Variants in DHCR7 observed in about 807,000 individuals in gnomAD.
DHCR7 encodes 7-DHC reductase.
DHCR7 carries 40 observed loss-of-function variants against 43.3 expected under a neutral mutation model. The ratio of observed to expected loss-of-function variants is 0.92; its 90% CI spans 0.72 to 1.20. The LOEUF (loss-of-function observed/expected upper bound fraction) is 1.20, where lower values mean the gene tolerates loss of function less well. Among genes scored for constraint, DHCR7 ranks in the 50% most tolerant of loss-of-function variants. The probability of loss-of-function intolerance (pLI) is 0.00; values close to 1 mark genes in which losing one functional copy is unlikely to be tolerated. For synonymous variants in DHCR7, 298 were observed against 271.4 expected, an observed-to-expected ratio of 1.10 and a Z score of -0.96; for missense variants, 608 against 644.6, an observed-to-expected ratio of 0.94 and a Z score of 0.62.
intron 4 of DHCR7, among the ~76,000 whole-genome samples, chr11:71,443,290 GAGA>G (rs1473667185): frequency 1.1e-4 from 17 of 152,218 alleles, no homozygotes; most frequent in African/African-American, 4.1e-4. Flanking sequence ...GATCTGAACT[GAGA>G]AGTATTCTGG....
chr11:71,441,808 C>T (rs1949351079), intron 5 of DHCR7, among the ~76,000 whole-genome samples: 1 of 152,164 alleles, frequency 6.6e-6, no homozygotes, highest in Admixed American at 6.5e-5. Context: ...CTCAGCCCAT[C>T]CACCCCTCAA....
At chr11:71,442,411 C>A (rs930971297) in intron 4 of DHCR7, 58 bp from the exon 5 acceptor site, 2 of 1,229,584 alleles carry the variant, frequency 1.6e-6, no homozygotes, top group Non-Finnish European at 2.4e-6. Context: ...CAAAGGGGGA[C>A]GCATAGCAGG....
chr11:71,441,438 C>G lies in DHCR7; in HGVS notation c.415G>C (p.Val139Leu). The G allele has an allele frequency of 6.2e-7, 1 of 1,611,214 alleles. No homozygotes were observed. Among genetic ancestry groups the G allele is most frequent in the Non-Finnish European group, 8.5e-7 (1 of 1,178,262 alleles). The change falls in exon 6 of 9, where the codon GTT (valine) becomes CTT (leucine). Residue 139 changes from valine (V) to leucine (L), a missense_variant and splice_region_variant. Transcript: ENST00000355527. The stretch of plus-strand genomic sequence containing the variant: ...CCATTGATCTGATACTTGTTCACAA[C>G]CCCTGCAGATGAAGGATTCAGAAAT... Reference protein sequence around the residue: ...IQEGAVTPAGVVNKYQINGLQ... With the variant: ...IQEGAVTPAGLVNKYQINGLQ...
At chr11:71,432,443 G>T (rs940658754), downstream of DHCR7, among the ~76,000 whole-genome samples, 3 of 152,116 alleles carry the variant, frequency 2.0e-5, no homozygotes, top group African/African-American at 4.8e-5. Flanking sequence ...GACAATAATT[G>T]TTTATATTTA....
intron 8 of DHCR7, 124 bp downstream of exon 8, chr11:71,437,688 C>T: frequency 7.0e-7 from 1 of 1,422,784 alleles, no homozygotes; most frequent in Non-Finnish European, 9.6e-7. Flanking sequence ...TACACGAGGC[C>T]TTCCCTTCTT....
intron 2 of DHCR7, among the ~76,000 whole-genome samples, 197 bp from the exon 3 acceptor site, chr11:71,445,155 C>A (rs1949393031): frequency 6.6e-6 from 1 of 152,232 alleles, no homozygotes; most frequent in Admixed American, 6.5e-5. Context: ...ACCCTGCAAT[C>A]ACCTCCCACG....
At chr11:71,434,096 C>A (rs181418664), downstream of DHCR7, among the ~76,000 whole-genome samples, 1 of 152,354 alleles carries the variant, frequency 6.6e-6, no homozygotes, top group African/African-American at 2.4e-5. Context: ...CAAGACAAAC[C>A]TGGCACTCTT....
exon 3 of DHCR7, chr11:71,428,388 T>C (rs1949211255): frequency 6.5e-6 from 1 of 152,722 alleles, no homozygotes; most frequent in Non-Finnish European, 1.5e-5. Context: ...TGGTTTTTCT[T>C]CCTTATTAAG....
chr11:71,446,160 G>T (rs1036839453), intron 2 of DHCR7, among the ~76,000 whole-genome samples: 1 of 147,924 alleles, frequency 6.8e-6, no homozygotes, highest in African/African-American at 2.5e-5. Flanking sequence ...GATGAATTTT[G>T]TTGCATCTGA....
At position 71,435,450 on chromosome 11, in the gene DHCR7, G is replaced by A. The variant is rs951313798; in HGVS notation, c.1353C>T (p.Cys451=). The stretch of plus-strand genomic sequence containing the variant: ...CCCAGTCCCGGCCGTACTTGCTGGC[G>A]CAGCGGTGCTCGTCCCGGAGGCAGC... ...THRCLRDEHR[C]ASKYGRDWER... The change falls in exon 9 of 9, where the codon TGC becomes TGT. Residue 451 remains cysteine, a synonymous_variant. Coordinates refer to ENST00000355527, the MANE Select transcript of DHCR7 (RefSeq NM_001360.3). 10 of 1,612,558 alleles carry A rather than the reference G, an allele frequency of 6.2e-6. No homozygotes were observed. The Admixed American group carries it at 6.7e-5, about 11-fold the overall frequency.
intron 6 of DHCR7, among the ~76,000 whole-genome samples, chr11:71,440,741 A>G (rs1949340083): frequency 6.7e-6 from 1 of 149,542 alleles, no homozygotes; most frequent in African/African-American, 2.5e-5. Context: ...GTGGGTGGGG[A>G]GATGGGCAGG....
At position 71,435,746 on chromosome 11, in the gene DHCR7, C is replaced by T. The variant is rs1449289649; in HGVS notation, c.1057G>A (p.Val353Met). Reference sequence around the variant, plus strand: ...AACAGGTCCTTCTGGTGGTTGGCCACCCGGAAGATGTAGTAGCCCACCAGG... The same window carrying T: ...AACAGGTCCTTCTGGTGGTTGGCCATCCGGAAGATGTAGTAGCCCACCAGG... The part of the protein sequence containing the change: ...LGLVGYYIFR[V>M]ANHQKDLFRR... The change falls in exon 9 of 9, where the codon GTG (valine) becomes ATG (methionine). Residue 353 changes from valine (V) to methionine (M), a missense_variant. By Grantham distance (21) the Val-to-Met change is conservative (BLOSUM62 1). Transcript: ENST00000355527. 1.2e-6 allele frequency: 2 copies of T among 1,612,012 alleles called. No homozygotes were observed. The highest frequency in any genetic ancestry group is 1.1e-5 in the South Asian group (1 of 91,080).
At chr11:71,429,527 C>T (rs1227243555), downstream of DHCR7, among the ~76,000 whole-genome samples, 1 of 152,180 alleles carries the variant, frequency 6.6e-6, no homozygotes. Context: ...GGCACAGCCA[C>T]AGGCTTGCCC....
intron 6 of DHCR7, 59 bp from the exon 7 acceptor site, chr11:71,439,142 C>T (rs1949323040): frequency 2.6e-6 from 4 of 1,522,872 alleles, no homozygotes; most frequent in Non-Finnish European, 3.6e-6. Context: ...AAGATGAAGC[C>T]ACCTTACTTA....
chr11:71,428,007 T>C (rs1452810704), downstream of DHCR7, among the ~76,000 whole-genome samples: 3 of 152,324 alleles, frequency 2.0e-5, no homozygotes, highest in East Asian at 5.8e-4. Context: ...GTGAGAACCC[T>C]ACCCAAATCT....
chr11:71,433,669 G>A (rs529010215), downstream of DHCR7, among the ~76,000 whole-genome samples: 3 of 152,300 alleles, frequency 2.0e-5, no homozygotes, highest in East Asian at 1.9e-4. Context: ...GGATTCCAAC[G>A]CAGGCAGGGA....
At chr11:71,445,606 C>G (rs1949396452) in intron 2 of DHCR7, among the ~76,000 whole-genome samples, 1 of 152,170 alleles carries the variant, frequency 6.6e-6, no homozygotes, top group African/African-American at 2.4e-5. Flanking sequence ...ATTGTGTGTC[C>G]TCTTCATTGT....
intron 4 of DHCR7, 96 bp from the exon 5 acceptor site, chr11:71,442,449 T>A (rs2135945763): frequency 1.1e-6 from 1 of 930,172 alleles, no homozygotes; most frequent in Non-Finnish European, 1.7e-6. Context: ...CATAGTCTTT[T>A]TCTTCCTGAA....
intron 2 of DHCR7, among the ~76,000 whole-genome samples, chr11:71,447,004 A>G (rs1212269356): frequency 6.6e-6 from 1 of 152,206 alleles, no homozygotes; most frequent in African/African-American, 2.4e-5. Context: ...CCAGGCTCTC[A>G]TCAAGGTAAG....
Sources: allele counts gnomAD v4.1 joint callset (sites outside exome capture counted in the v4.1 genomes callset), GRCh38; gene constraint gnomAD v4.1.1; transcripts MANE v1.5; gene names NCBI Gene and HGNC (gene_info 2026-07-23, HGNC 2026-07-21).